The following EFNA5 variants were observed in gnomAD, a reference collection of about 807,000 sequenced individuals.
EFNA5 encodes ephrin A5.
Under a neutral mutation model 22.9 loss-of-function variants are expected in EFNA5, and 5 were observed. The ratio of observed to expected loss-of-function variants is 0.22; its 90% confidence interval spans 0.11 to 0.46. The LOEUF (loss-of-function observed/expected upper bound fraction) is 0.46. EFNA5 is among the 20% of genes least tolerant of loss of function. The pLI is 0.99. For synonymous variants in EFNA5, 113 were observed against 112.2 expected, an observed-to-expected ratio of 1.01 and a Z score of -0.04; for missense variants, 237 against 293.3, an observed-to-expected ratio of 0.81 and a Z score of 1.40.
intron 4 of EFNA5, among the ~76,000 whole-genome samples, chr5:107,386,148 CAAA>C (rs33964723): frequency 4.9e-4 from 39 of 79,486 alleles, no homozygotes; most frequent in Admixed American, 7.6e-4. Context: ...AGAAATTCTA[CAAA>C]AAAAAAAAAA....
chr5:107,416,425 C>T (rs1358446302), intron 2 of EFNA5, among the ~76,000 whole-genome samples: 1 of 152,162 alleles, frequency 6.6e-6, no homozygotes, highest in Non-Finnish European at 1.5e-5. Context: ...GTACTAACTA[C>T]ATGATCTCAG....
chr5:107,503,440 A>C (rs184020101), intron 1 of EFNA5, among the ~76,000 whole-genome samples: 238 of 152,334 alleles, frequency 1.6e-3, no homozygotes, highest in Non-Finnish European at 2.3e-3. Context: ...TCTTCTAAGA[A>C]GAGGTGTTCC....
chr5:107,537,841 A>G (rs531839951), intron 1 of EFNA5, among the ~76,000 whole-genome samples: 19 of 152,326 alleles, frequency 1.2e-4, no homozygotes, highest in African/African-American at 4.6e-4. Flanking sequence ...GAATTAAACT[A>G]TGGTCGTGAG....
intron 1 of EFNA5, among the ~76,000 whole-genome samples, chr5:107,617,261 G>GAA (rs1374322745): frequency 2.0e-5 from 3 of 147,608 alleles, no homozygotes; most frequent in African/African-American, 7.5e-5. Context: ...GAGAGAGAAA[G>GAA]AGAGAGAGAG....
chr5:107,376,896 A>C lies in EFNA5; in HGVS notation c.*4359T>G, dbSNP rs1160501703. On this transcript the variant is annotated 3_prime_UTR_variant, in exon 5 of 5. Transcript: ENST00000333274. ...AACAAGTAGAAGGAGGGATCCAATT[A>C]AAATGATGAAAATCTTTAATTTTTA... 1 of 152,196 alleles carries C rather than the reference A, an allele frequency of 6.6e-6. No individual in the cohort carries two copies. Among genetic ancestry groups the C allele is most frequent in the African/African-American group, 2.4e-5 (1 of 41,454 alleles). The allele number at this position is 152,196 out of a possible 1,614,324, so 9.4% of individuals were successfully genotyped here.
At chr5:107,631,204 T>G (rs1301304605) in intron 1 of EFNA5, among the ~76,000 whole-genome samples, 2 of 152,040 alleles carry the variant, frequency 1.3e-5, no homozygotes. Flanking sequence ...GCCACCATTA[T>G]AAATGTAGTC....
chr5:107,400,751 T>C (rs1387869390), intron 2 of EFNA5, among the ~76,000 whole-genome samples: 2 of 151,876 alleles, frequency 1.3e-5, no homozygotes, highest in Non-Finnish European at 2.9e-5. Flanking sequence ...GGCAGCAAGG[T>C]GTTCCAGAAA....
intron 1 of EFNA5, among the ~76,000 whole-genome samples, chr5:107,625,381 A>G (rs1750121767): frequency 6.6e-6 from 1 of 152,054 alleles, no homozygotes; most frequent in Non-Finnish European, 1.5e-5. Context: ...TTCTCCCAAT[A>G]TATATGTACA....
chr5:107,476,372 G>A (rs550765610), intron 1 of EFNA5, among the ~76,000 whole-genome samples: 81 of 151,918 alleles, frequency 5.3e-4, no homozygotes, highest in African/African-American at 2.0e-3. Flanking sequence ...ATTCTTGAGA[G>A]CAAAATAGAG....
chr5:107,668,894 T>G (rs1284638394), intron 1 of EFNA5, among the ~76,000 whole-genome samples: 1 of 152,168 alleles, frequency 6.6e-6, no homozygotes, highest in African/African-American at 2.4e-5. Context: ...GTAAGTGGCA[T>G]GTCAAAGAAG....
intron 1 of EFNA5, among the ~76,000 whole-genome samples, chr5:107,662,825 A>C (rs1750991436): frequency 6.6e-6 from 1 of 151,662 alleles, no homozygotes; most frequent in Non-Finnish European, 1.5e-5. Context: ...ACAAATAAAA[A>C]GAACTACTTA....
At chr5:107,611,810 T>G (rs1266716569) in intron 1 of EFNA5, among the ~76,000 whole-genome samples, 1 of 152,222 alleles carries the variant, frequency 6.6e-6, no homozygotes, top group Non-Finnish European at 1.5e-5. Context: ...AATTAGCTAG[T>G]TGAATGCAGC....
intron 1 of EFNA5, among the ~76,000 whole-genome samples, chr5:107,657,804 G>A (rs1245818047): frequency 2.6e-5 from 4 of 152,016 alleles, no homozygotes; most frequent in African/African-American, 9.7e-5. Context: ...TCAAAGACTT[G>A]AAAGTTCATT....
intron 2 of EFNA5, among the ~76,000 whole-genome samples, chr5:107,398,342 T>C (rs959952863): frequency 4.6e-5 from 7 of 152,154 alleles, no homozygotes; most frequent in Admixed American, 3.3e-4. Flanking sequence ...CAGAGATCTG[T>C]TTCTGTCTCC....
At chr5:107,546,393 CT>C (rs775266556) in intron 1 of EFNA5, among the ~76,000 whole-genome samples, 12 of 152,162 alleles carry the variant, frequency 7.9e-5, no homozygotes, top group Admixed American at 1.3e-4. Flanking sequence ...ATGTATGCAC[CT>C]TTCATAAGCA....
At chr5:107,502,451 T>C (rs1194697124) in intron 1 of EFNA5, among the ~76,000 whole-genome samples, 2 of 152,186 alleles carry the variant, frequency 1.3e-5, no homozygotes, top group Non-Finnish European at 2.9e-5. Context: ...GCAATCATTT[T>C]AGGAAGCAGT....
At chr5:107,408,169 GCA>G (rs111307720) in intron 2 of EFNA5, among the ~76,000 whole-genome samples, 1,541 of 149,000 alleles carry the variant, frequency 0.01, 24 homozygotes, top group African/African-American at 0.036. Context: ...GCAAAACAAC[GCA>G]CACACACACA....
intron 1 of EFNA5, among the ~76,000 whole-genome samples, chr5:107,489,936 G>C (rs1362573589): frequency 6.6e-6 from 1 of 152,150 alleles, no homozygotes; most frequent in Non-Finnish European, 1.5e-5. Context: ...CCCCAGAACA[G>C]GATGTCCTTC....
intron 1 of EFNA5, among the ~76,000 whole-genome samples, chr5:107,436,795 T>C (rs911116206): frequency 1.3e-5 from 2 of 152,114 alleles, no homozygotes; most frequent in African/African-American, 4.8e-5. Context: ...GATGTGGGCG[T>C]CAATCAAACA....
Sources: allele counts gnomAD v4.1 joint callset (sites outside exome capture counted in the v4.1 genomes callset), GRCh38; gene constraint gnomAD v4.1.1; transcripts MANE v1.5; gene names NCBI Gene and HGNC (gene_info 2026-07-23, HGNC 2026-07-21).